The following MTUS2 variants were observed in gnomAD, a reference collection of about 807,000 sequenced individuals.
MTUS2 encodes microtubule associated scaffold protein 2.
Under a neutral mutation model 114.1 loss-of-function variants are expected in MTUS2, and 40 were observed. The observed-to-expected ratio is 0.35, with a 90% CI of 0.27 to 0.46. The LOEUF (loss-of-function observed/expected upper bound fraction) is 0.46, where lower values mean the gene tolerates loss of function less well. Ranked by LOEUF, MTUS2 falls within the 20% of genes least tolerant of loss-of-function variation. The pLI, the probability that MTUS2 is intolerant of heterozygous loss-of-function variation, is 1.00. For missense variants in MTUS2, 1,679 were observed against 1,705.4 expected (o/e 0.98, Z 0.27); for synonymous variants, 688 against 672.0 (o/e 1.02, Z -0.37).
chr13:29,407,955 G>A (rs924399944), intron 8 of MTUS2, among the ~76,000 whole-genome samples: 1 of 151,982 alleles, frequency 6.6e-6, no homozygotes, highest in Non-Finnish European at 1.5e-5. Flanking sequence ...TTATGTTTTT[G>A]TATGTTTATG....
At chr13:28,905,118 T>G (rs1879907132) in intron 2 of MTUS2, among the ~76,000 whole-genome samples, 1 of 151,680 alleles carries the variant, frequency 6.6e-6, no homozygotes, top group Admixed American at 6.6e-5. Context: ...TCCTGAGACT[T>G]TGCTGAAGTT....
rs1891689080 is a variant in MTUS2, at chr13:29,129,995, C to T, written c.2644+29025C>T. On this transcript the variant is annotated intron_variant, in intron 5 of 15. Coordinates refer to ENST00000612955, the MANE Select transcript of MTUS2 (RefSeq NM_001033602.4). ...ACTGCTGTTTGTCAATCATTGCTGT[C>T]ATGGAGCCTTCACCCTTTGTGTTTT... Among the ~76,000 whole-genome samples, 3 of 152,092 alleles carry T rather than the reference C, an allele frequency of 2.0e-5. No individual in the cohort carries two copies. The South Asian group carries it at 6.2e-4, about 32-fold the overall frequency.
chr13:29,283,059 A>T (rs1898338851), intron 6 of MTUS2, among the ~76,000 whole-genome samples: 1 of 152,142 alleles, frequency 6.6e-6, no homozygotes, highest in Non-Finnish European at 1.5e-5. Flanking sequence ...GCTTTGTTTG[A>T]TGCATTAATA....
chr13:29,439,509 A>G (rs907624932), intron 8 of MTUS2, among the ~76,000 whole-genome samples: 1 of 152,226 alleles, frequency 6.6e-6, no homozygotes, highest in Non-Finnish European at 1.5e-5. Flanking sequence ...CCTGATCTTT[A>G]TTATTGATTA....
intron 2 of MTUS2, among the ~76,000 whole-genome samples, chr13:28,853,100 C>G (rs989519003): frequency 6.6e-6 from 1 of 152,156 alleles, no homozygotes; most frequent in Non-Finnish European, 1.5e-5. Context: ...GTTCTGTTGT[C>G]TTAAATGCCT....
intron 4 of MTUS2, among the ~76,000 whole-genome samples, chr13:29,065,851 A>C (rs1482266576): frequency 1.3e-5 from 2 of 152,220 alleles, no homozygotes. Context: ...GATTGTTAAA[A>C]GTACTGAATG....
At chr13:29,446,795 C>T (rs1465004548) in intron 9 of MTUS2, among the ~76,000 whole-genome samples, 1 of 152,144 alleles carries the variant, frequency 6.6e-6, no homozygotes, top group African/African-American at 2.4e-5. Context: ...AATTTTCTCT[C>T]TCTCCCTCCC....
Position 28,948,243 on chromosome 13 carries a change from T to C in MTUS2, c.-242-76214T>C, listed in dbSNP as rs147612976. Among the ~76,000 whole-genome samples, 363 of 152,270 alleles carry C rather than the reference T, an allele frequency of 2.4e-3. 2 individuals carry two copies. Among genetic ancestry groups the C allele is most frequent in the Non-Finnish European group, 4.0e-3 (270 of 68,016 alleles). The stretch of plus-strand genomic sequence containing the variant: ...CTCACTTGTGTGACTTCTGTATTCC[T>C]CCAAGCAAATAATGTTACCTCAGGT... On this transcript the variant is annotated intron_variant, in intron 2 of 15. Transcript: ENST00000612955.
At chr13:29,080,440 G>T (rs1475251393) in intron 4 of MTUS2, among the ~76,000 whole-genome samples, 2 of 152,184 alleles carry the variant, frequency 1.3e-5, no homozygotes, top group African/African-American at 2.4e-5. Flanking sequence ...AGTTTATTAA[G>T]GAGTATTGAC....
chr13:29,477,310 CTT>C (rs1247958414), intron 9 of MTUS2, among the ~76,000 whole-genome samples: 1 of 152,222 alleles, frequency 6.6e-6, no homozygotes, highest in East Asian at 1.9e-4. Context: ...ATAAACCTAT[CTT>C]TATATATCTA....
intron 4 of MTUS2, among the ~76,000 whole-genome samples, chr13:29,094,224 G>T (rs560166927): frequency 1.3e-4 from 11 of 83,646 alleles, no homozygotes; most frequent in Admixed American, 9.1e-4. Context: ...GAGTTTAGAA[G>T]TATTCCCTCT....
chr13:29,441,662 G>T (rs1877886158), intron 9 of MTUS2, among the ~76,000 whole-genome samples: 1 of 152,074 alleles, frequency 6.6e-6, no homozygotes, highest in Non-Finnish European at 1.5e-5. Context: ...TGGTGACCCT[G>T]CCCAATGCCA....
In MTUS2 at chr13:29,176,927, A is replaced by G. The variant is rs565169411; in HGVS notation, c.2644+75957A>G. ...TTCTGCTATGGAGTCCCCGGCAGGC[A>G]TGGTGGCTCTTTACTGTCAATGATC... On this transcript the variant is annotated intron_variant, in intron 5 of 15. Transcript: ENST00000612955. Among the ~76,000 whole-genome samples the G allele has an allele frequency of 5.3e-5, 8 of 151,136 alleles. 2 individuals are homozygous for G. Among genetic ancestry groups the G allele is most frequent in the Admixed American group, 2.0e-4 (3 of 15,254 alleles).
At chr13:28,853,712 A>C (rs1876444766) in intron 2 of MTUS2, among the ~76,000 whole-genome samples, 1 of 152,262 alleles carries the variant, frequency 6.6e-6, no homozygotes, top group South Asian at 2.1e-4. Context: ...CATGTTAAAA[A>C]GTAAAAGTGC....
At chr13:28,988,487 A>G (rs1000418895) in intron 2 of MTUS2, among the ~76,000 whole-genome samples, 2 of 152,208 alleles carry the variant, frequency 1.3e-5, no homozygotes, top group African/African-American at 2.4e-5. Flanking sequence ...TTCTATCCCT[A>G]CTGTTCTACT....
intron 5 of MTUS2, among the ~76,000 whole-genome samples, chr13:29,139,521 TATCTA>T (rs1265950778): frequency 6.6e-6 from 1 of 151,920 alleles, no homozygotes; most frequent in Non-Finnish European, 1.5e-5. Flanking sequence ...TAAATTCTAA[TATCTA>T]ATATAATACT....
chr13:29,179,990 A>G (rs1239079591), intron 5 of MTUS2, among the ~76,000 whole-genome samples: 1 of 152,248 alleles, frequency 6.6e-6, no homozygotes, highest in Non-Finnish European at 1.5e-5. Flanking sequence ...AAATCAGAAC[A>G]TAAACTGTGT....
Position 28,956,924 on chromosome 13 carries a change from C to T in MTUS2, c.-242-67533C>T, listed in dbSNP as rs369020791. On this transcript the variant is annotated intron_variant, in intron 2 of 15. Transcript: ENST00000612955. ...GGAAGAAGGCTGCCCTCGAGATGGG[C>T]GATCTGGTGGGAAGGAAGTGTTGGG... Among the ~76,000 whole-genome samples the T allele has an allele frequency of 8.4e-5, 11 of 130,192 alleles. No homozygotes were observed. The South Asian group carries it at 1.0e-3, about 12-fold the overall frequency. The allele number at this position is 130,192 out of a possible 152,430, so 85.4% of individuals were successfully genotyped here. A position where few individuals can be genotyped will look rare whatever the true frequency, so the allele number is the denominator to read the frequency against.
intron 8 of MTUS2, among the ~76,000 whole-genome samples, chr13:29,396,362 G>C (rs564019093): frequency 6.6e-6 from 1 of 152,072 alleles, no homozygotes; most frequent in Admixed American, 6.6e-5. Context: ...AAATTCCAGA[G>C]TCACTATCAG....
Sources: gnomAD v4.1 joint callset for allele counts (sites outside exome capture counted in the v4.1 genomes callset) on GRCh38, gnomAD v4.1.1 for gene constraint, MANE v1.5 for transcripts, NCBI Gene and HGNC (gene_info 2026-07-23, HGNC 2026-07-21) for gene names.